The following UMAD1 variants were observed in gnomAD, a reference collection of about 807,000 sequenced individuals.
UMAD1 encodes the protein UBAP1-MVB12-associated (UMA) domain containing 1.
UMAD1 carries 8 observed loss-of-function variants against 6.1 expected under a neutral mutation model. That is an observed-to-expected ratio of 1.30 (90% CI 0.76 to 2.35). The LOEUF (loss-of-function observed/expected upper bound fraction) is 2.35, where lower values mean the gene tolerates loss of function less well. Ranked by LOEUF, UMAD1 falls within the 30% of genes most tolerant of loss-of-function variation. The pLI, the probability that UMAD1 is intolerant of heterozygous loss-of-function variation, is 0.00. For synonymous variants in UMAD1, 56 were observed against 31.4 expected, an observed-to-expected ratio of 1.78 and a Z score of -2.61; for missense variants, 130 against 78.4, an observed-to-expected ratio of 1.66 and a Z score of -2.49.
At chr7:7,759,093 T>G (rs183754551) in intron 2 of UMAD1, among the ~76,000 whole-genome samples, 98 of 152,338 alleles carry the variant, frequency 6.4e-4, no homozygotes, top group African/African-American at 2.3e-3. Flanking sequence ...TACTGGCTTT[T>G]GTTGTTTGTG....
At chr7:7,842,634 A>G (rs1783705092) in intron 3 of UMAD1, among the ~76,000 whole-genome samples, 1 of 151,892 alleles carries the variant, frequency 6.6e-6, no homozygotes, top group Non-Finnish European at 1.5e-5. Context: ...AAAAAAAACT[A>G]ATATGGGTAT....
At chr7:7,810,143 A>G (rs1007298543) in intron 3 of UMAD1, among the ~76,000 whole-genome samples, 7 of 152,166 alleles carry the variant, frequency 4.6e-5, no homozygotes, top group Middle Eastern at 3.4e-3. Flanking sequence ...ATGGTATATA[A>G]TAAGTATATT....
chr7:7,803,466 C>T (rs773544940), intron 3 of UMAD1, among the ~76,000 whole-genome samples: 4 of 152,178 alleles, frequency 2.6e-5, no homozygotes, highest in Non-Finnish European at 5.9e-5. Flanking sequence ...AGTAGCATCT[C>T]TGATAGGAAA....
chr7:7,829,313 ACT>A (rs1783415177), intron 3 of UMAD1, among the ~76,000 whole-genome samples: 3 of 152,272 alleles, frequency 2.0e-5, no homozygotes, highest in African/African-American at 7.2e-5. Flanking sequence ...AAGAGCAATA[ACT>A]CTCTACAAGT....
chr7:7,714,495 A>G (rs569433473), intron 2 of UMAD1, among the ~76,000 whole-genome samples: 7 of 152,374 alleles, frequency 4.6e-5, no homozygotes, highest in African/African-American at 1.2e-4. Flanking sequence ...TTTAGAAATA[A>G]TCTATATAGT....
intron 3 of UMAD1, among the ~76,000 whole-genome samples, chr7:7,851,290 T>C (rs1563259510): frequency 6.6e-6 from 1 of 152,222 alleles, no homozygotes; most frequent in African/African-American, 2.4e-5. Flanking sequence ...TACCACATTT[T>C]GTTTATCTAT....
At chr7:7,684,346 C>T (rs898044830) in intron 2 of UMAD1, among the ~76,000 whole-genome samples, 7 of 151,776 alleles carry the variant, frequency 4.6e-5, no homozygotes, top group African/African-American at 7.3e-5. Flanking sequence ...GGATTACAGG[C>T]GTGTGCCACC....
Position 7,830,714 on chromosome 7 carries a change from A to T in UMAD1, c.156+28971A>T, listed in dbSNP as rs572329586. ...GATATTGCCTCAGAACCTTTGTAAG[A>T]AGAGATACAGTAGGGTTTTGAGTCA... On this transcript the variant is annotated intron_variant, in intron 3 of 3. Coordinates refer to ENST00000682710, the MANE Select transcript of UMAD1 (RefSeq NM_001302348.2). This position sits in a 1 kb window ranked among gnomAD's most constrained non-coding sequence, Gnocchi z 5.3. Among the ~76,000 whole-genome samples the T allele has an allele frequency of 6.6e-6, 1 of 152,170 alleles. No individual in the cohort carries two copies. The highest frequency in any genetic ancestry group is 6.6e-5 in the Admixed American group (1 of 15,264).
intron 1 of UMAD1, among the ~76,000 whole-genome samples, chr7:7,642,406 C>T (rs1372055007): frequency 6.6e-6 from 1 of 152,002 alleles, no homozygotes; most frequent in African/African-American, 2.4e-5. Flanking sequence ...CCTCCCTCCC[C>T]CGTCTCCCTC....
At chr7:7,775,664 T>C (rs771692168) in intron 2 of UMAD1, among the ~76,000 whole-genome samples, 2 of 152,176 alleles carry the variant, frequency 1.3e-5, no homozygotes, top group Non-Finnish European at 2.9e-5. Context: ...CAAATGTTGA[T>C]GAGGATATGG....
rs572535991 is a variant in UMAD1 at position 7,796,408 on chromosome 7, C to T, written c.83-5262C>T. 2.0e-5 allele frequency among the ~76,000 whole-genome samples: 3 copies of T among 151,824 alleles called. No individual in the cohort carries two copies. The East Asian group carries it at 5.8e-4, about 29-fold the overall frequency. On this transcript the variant is annotated intron_variant, in intron 2 of 3. Coordinates refer to ENST00000682710, the MANE Select transcript of UMAD1 (RefSeq NM_001302348.2). The stretch of plus-strand genomic sequence containing the variant: ...CTGGGATTACAGGCGTGCCCTACCG[C>T]ACCCGGCTAATTTTGCATTTTTATT...
intron 3 of UMAD1, among the ~76,000 whole-genome samples, chr7:7,832,117 T>C (rs1362406938): frequency 6.6e-6 from 1 of 152,208 alleles, no homozygotes; most frequent in East Asian, 1.9e-4. Context: ...TTTGGGGCCA[T>C]GGAGGCTCCT....
chr7:7,838,874 A>G (rs1309425709), intron 3 of UMAD1, among the ~76,000 whole-genome samples: 3 of 152,238 alleles, frequency 2.0e-5, no homozygotes, highest in African/African-American at 7.2e-5. Flanking sequence ...AAAACATGCA[A>G]AGCTATCCGA....
intron 2 of UMAD1, among the ~76,000 whole-genome samples, chr7:7,768,665 T>C (rs1258587076): frequency 2.0e-5 from 3 of 152,086 alleles, no homozygotes; most frequent in Non-Finnish European, 4.4e-5. Flanking sequence ...ACAAGTGTTA[T>C]TTTTTTTCCT....
chr7:7,675,722 C>T (rs896710072), intron 2 of UMAD1, among the ~76,000 whole-genome samples: 3 of 152,184 alleles, frequency 2.0e-5, no homozygotes, highest in Non-Finnish European at 2.9e-5. Flanking sequence ...GTACCCAGCA[C>T]CATATGTCTA....
At chr7:7,770,757 A>C (rs1782084217) in intron 2 of UMAD1, among the ~76,000 whole-genome samples, 1 of 151,884 alleles carries the variant, frequency 6.6e-6, no homozygotes, top group Non-Finnish European at 1.5e-5. Flanking sequence ...AAGTATAATA[A>C]AAAAAATGAG....
At chr7:7,692,519 T>C (rs1780196092) in intron 2 of UMAD1, 1 of 152,242 alleles carries the variant, frequency 6.6e-6, no homozygotes. Context: ...TGTCAATATG[T>C]ATCAGAAGCT....
chr7:7,813,447 G>A (rs559654980), intron 3 of UMAD1, among the ~76,000 whole-genome samples: 19 of 152,180 alleles, frequency 1.2e-4, no homozygotes, highest in Middle Eastern at 3.4e-3. Context: ...CTCATGATCC[G>A]CCTGCCTTGG....
Position 7,673,346 on chromosome 7 carries a change from C to T in UMAD1, c.-26C>T, listed in dbSNP as rs1779655919. On this transcript the variant is annotated 5_prime_UTR_variant, in exon 2 of 4. Coordinates refer to ENST00000682710, the MANE Select transcript of UMAD1 (RefSeq NM_001302348.2). ...GCAGCAGCAGCAGCAGCAGCAGCAG[C>T]AGCAGCAGCAGCAGCAGCAGCAGCA... 1 of 1,273,302 alleles carries T rather than the reference C, an allele frequency of 7.9e-7. No homozygotes were observed. The highest frequency in any genetic ancestry group is 2.0e-5 in the Admixed American group (1 of 50,438). 78.9% of individuals were successfully genotyped at this position (1,273,302 alleles called of 1,614,324 possible).
Sources: allele counts gnomAD v4.1 joint callset (sites outside exome capture counted in the v4.1 genomes callset), GRCh38; gene constraint gnomAD v4.1.1; non-coding constraint Gnocchi (gnomAD v3.1); transcripts MANE v1.5; gene names NCBI Gene and HGNC (gene_info 2026-07-23, HGNC 2026-07-21).